The following RAD51D variants were observed in gnomAD, a reference collection of about 807,000 sequenced individuals.
RAD51D encodes the protein RAD51 paralog D.
A neutral mutation model predicts 44.1 loss-of-function variants in RAD51D; 38 were observed. The observed-to-expected ratio is 0.86, with a 90% CI of 0.67 to 1.13. RAD51D has a LOEUF of 1.13. RAD51D is among the 50% of genes most tolerant of loss of function. The pLI is 0.00. For synonymous variants in RAD51D, 141 were observed against 166.6 expected (o/e 0.85, Z 1.18); for missense variants, 390 against 414.0 (o/e 0.94, Z 0.50).
At chr17:35,102,011 C>T (rs1014871230) in intron 8 of RAD51D, among the ~76,000 whole-genome samples, 2 of 151,986 alleles carry the variant, frequency 1.3e-5, no homozygotes, top group South Asian at 4.1e-4. Context: ...TTTAACACCA[C>T]CGAACTGTAT....
At chr17:35,115,945 A>AGG (rs1170325824) in intron 3 of RAD51D, among the ~76,000 whole-genome samples, 13 of 106,388 alleles carry the variant, frequency 1.2e-4, no homozygotes, top group East Asian at 5.8e-4. Flanking sequence ...GGAAGAAAGA[A>AGG]AAGGAAGAAA....
intron 3 of RAD51D, among the ~76,000 whole-genome samples, chr17:35,112,658 A>G (rs2091692052): frequency 6.6e-6 from 1 of 152,196 alleles, no homozygotes; most frequent in South Asian, 2.1e-4. Context: ...GATTACAGGC[A>G]TGAGCCACTG....
intron 3 of RAD51D, among the ~76,000 whole-genome samples, chr17:35,116,690 T>A (rs1210408798): frequency 6.6e-6 from 1 of 151,938 alleles, no homozygotes; most frequent in Non-Finnish European, 1.5e-5. Flanking sequence ...GAGACGGGGT[T>A]TTACCGTGTT....
chr17:35,105,122 G>A (rs1336481269), intron 6 of RAD51D: 1 of 152,064 alleles, frequency 6.6e-6, no homozygotes, highest in Non-Finnish European at 1.5e-5. Context: ...GAGAGGTTTG[G>A]GCTATAAGGT....
chr17:35,116,196 A>G (rs9915078), intron 3 of RAD51D, among the ~76,000 whole-genome samples: 23,647 of 152,080 alleles, frequency 0.16, 2,574 homozygotes, highest in African/African-American at 0.3. Flanking sequence ...CCACTGTTCT[A>G]GACTGGACTC....
chr17:35,114,521 A>T (rs1033000531), intron 3 of RAD51D, among the ~76,000 whole-genome samples: 1 of 151,236 alleles, frequency 6.6e-6, no homozygotes, highest in Non-Finnish European at 1.5e-5. Flanking sequence ...GTCTCTACAA[A>T]AAAAAAAAAT....
chr17:35,096,735 C>T lies in RAD51D; in HGVS notation c.*4218G>A, dbSNP rs2091488206. 1 of 152,228 alleles carries T rather than the reference C, an allele frequency of 6.6e-6. No homozygotes were observed. The highest frequency in any genetic ancestry group is 1.5e-5 in the Non-Finnish European group (1 of 68,102). 9.4% of individuals were successfully genotyped at this position (152,228 alleles called of 1,614,324 possible). A position where few individuals can be genotyped will look rare whatever the true frequency, so the allele number is the denominator to read the frequency against. On this transcript the variant is annotated 3_prime_UTR_variant, in exon 10 of 10. Transcript: ENST00000345365. ...ACTTAGATGGGTGTGGTGGCACACA[C>T]CTGTAGTCCCAGCTACTTGGGAGAC... is the stretch of plus-strand genomic sequence containing the variant.
Position 35,099,467 on chromosome 17 carries a change from G to A in RAD51D, c.*1486C>T. 4.8e-6 allele frequency: 1 copy of A among 206,782 alleles called. No individual in the cohort carries two copies. Among genetic ancestry groups the A allele is most frequent in the East Asian group, 1.1e-4 (1 of 9,340 alleles). 12.8% of individuals were successfully genotyped at this position (206,782 alleles called of 1,614,324 possible). A position where few individuals can be genotyped will look rare whatever the true frequency, so the allele number is the denominator to read the frequency against. ...TGCATCTTACTGTGGTTGCAGGAATGTGCCAATCACCCATGGTATAAAGAT... is the reference window on the plus strand; with the variant it reads ...TGCATCTTACTGTGGTTGCAGGAATATGCCAATCACCCATGGTATAAAGAT... On this transcript the variant is annotated 3_prime_UTR_variant, in exon 10 of 10. Transcript: ENST00000345365.
At position 35,106,452 on chromosome 17, in the gene RAD51D, C is replaced by T. The variant is rs142134504; in HGVS notation, c.510G>A (p.Val170=). 1.3e-5 allele frequency: 21 copies of T among 1,613,210 alleles called. No individual in the cohort carries two copies. In the East Asian group the frequency reaches 3.6e-4, roughly 27 times the overall value. The change falls in exon 6 of 10, where the codon GTG becomes GTA. Residue 170 remains valine (V), a synonymous_variant. Transcript: ENST00000345365. ...QAEALRRIQV[V]HAFDIFQMLD... ...GCATCTGGAAGATGTCAAATGCATG[C>T]ACCACCTGGATCCTCCGGAGAGCTT...
chr17:35,106,841 G>T, intron 5 of RAD51D, 147 bp downstream of exon 5: 1 of 1,196,618 alleles, frequency 8.4e-7, no homozygotes, highest in Non-Finnish European at 1.2e-6. Flanking sequence ...GCATCAACAG[G>T]GGTGGCTTAA....
chr17:35,097,469 GTGTATATATA>G lies in RAD51D; in HGVS notation c.*3474_*3483del, dbSNP rs1286484695. 4.7e-5 allele frequency: 7 copies of G among 148,450 alleles called. No individual in the cohort carries two copies. The highest frequency in any genetic ancestry group is 2.0e-4 in the East Asian group (1 of 5,050). The allele number at this position is 148,450 out of a possible 1,614,324, so 9.2% of individuals were successfully genotyped here. A position where few individuals can be genotyped will look rare whatever the true frequency, so the allele number is the denominator to read the frequency against. On this transcript the variant is annotated 3_prime_UTR_variant, in exon 10 of 10. Coordinates refer to ENST00000345365, the MANE Select transcript of RAD51D (RefSeq NM_002878.4). ...TATATGTGTGTATATATATATATGT[GTGTATATATA>G]TGTATATATATGTGTGTATATGTGT... is the stretch of plus-strand genomic sequence containing the variant.
chr17:35,096,262 TG>T lies in RAD51D; in HGVS notation c.*4690del, dbSNP rs1481793693. ...GTTGCCCAGGCTGGTCTGGAACTCC[TG>T]GCCTCAGGCGATCCTCCTACTTTGG... On this transcript the variant is annotated 3_prime_UTR_variant, in exon 10 of 10. Coordinates refer to ENST00000345365, the MANE Select transcript of RAD51D (RefSeq NM_002878.4). 6.6e-6 allele frequency: 1 copy of T among 152,190 alleles called. No homozygotes were observed. Among genetic ancestry groups the T allele is most frequent in the Non-Finnish European group, 1.5e-5 (1 of 68,040 alleles). The allele number at this position is 152,190 out of a possible 1,614,324, so 9.4% of individuals were successfully genotyped here.
In RAD51D at chr17:35,102,616, G is replaced by A. The variant is rs541627920; in HGVS notation, c.738+638C>T. ...TGCACTCCAGCCTGGGAAACAGAGC[G>A]AAACCCTATCTCAAAAGAAAAAAAA... On this transcript the variant is annotated intron_variant, in intron 8 of 9. Coordinates refer to ENST00000345365, the MANE Select transcript of RAD51D (RefSeq NM_002878.4). Among the ~76,000 whole-genome samples, 8 of 142,498 alleles carry A rather than the reference G, an allele frequency of 5.6e-5. No homozygotes were observed. In the East Asian group the frequency reaches 6.7e-4, roughly 12 times the overall value. 93.5% of individuals were successfully genotyped at this position (142,498 alleles called of 152,430 possible).
chr17:35,108,991 C>T (rs780227459), intron 3 of RAD51D, among the ~76,000 whole-genome samples: 4 of 151,808 alleles, frequency 2.6e-5, no homozygotes, highest in Admixed American at 6.6e-5. Context: ...CTCAGCCTCC[C>T]GAGTACCTGG....
chr17:35,096,652 G>A lies in RAD51D; in HGVS notation c.*4301C>T, dbSNP rs776505942. ...AAGGCGGGTAGATCACCTGAGCCCA[G>A]GAGTTCAAGACCAGCCTGGGCAACG... is the stretch of plus-strand genomic sequence containing the variant. On this transcript the variant is annotated 3_prime_UTR_variant, in exon 10 of 10. Transcript: ENST00000345365. The A allele has an allele frequency of 6.6e-6, 1 of 152,156 alleles. No homozygotes were observed. Among genetic ancestry groups the A allele is most frequent in the Non-Finnish European group, 1.5e-5 (1 of 68,074 alleles). The allele number at this position is 152,156 out of a possible 1,614,324, so 9.4% of individuals were successfully genotyped here.
In RAD51D at chr17:35,098,256, TGAAACA is replaced by T. The variant is rs988741090; in HGVS notation, c.*2691_*2696del. The T allele has an allele frequency of 6.6e-6, 1 of 152,002 alleles. No individual in the cohort carries two copies. The highest frequency in any genetic ancestry group is 2.4e-5 in the African/African-American group (1 of 41,364). The allele number at this position is 152,002 out of a possible 1,614,324, so 9.4% of individuals were successfully genotyped here. The stretch of plus-strand genomic sequence containing the variant: ...AATGTGGGGATTTTTTTTTTCTTTT[TGAAACA>T]GAGTCTCTGTTGCCCAGGCTGGAGT... On this transcript the variant is annotated 3_prime_UTR_variant, in exon 10 of 10. Coordinates refer to ENST00000345365, the MANE Select transcript of RAD51D (RefSeq NM_002878.4).
At position 35,119,794 on chromosome 17, in the gene RAD51D, G is replaced by A. The variant is rs2091804245; in HGVS notation, c.-181C>T. ...GGGTAGGGCTGGGGGTCATCCGCCC[G>A]CCCGGGATCCGCCGGGATTCCCGCG... is the stretch of plus-strand genomic sequence containing the variant. On this transcript the variant is annotated 5_prime_UTR_variant, in exon 1 of 10. Coordinates refer to ENST00000345365, the MANE Select transcript of RAD51D (RefSeq NM_002878.4). 2.8e-6 allele frequency: 2 copies of A among 721,584 alleles called. No individual in the cohort carries two copies. Among genetic ancestry groups the A allele is most frequent in the African/African-American group, 1.7e-5 (1 of 57,210 alleles). The allele number at this position is 721,584 out of a possible 1,614,324, so 44.7% of individuals were successfully genotyped here.
chr17:35,116,964 C>T (rs2142468395), intron 3 of RAD51D: 1 of 1,613,958 alleles, frequency 6.2e-7, no homozygotes, highest in East Asian at 2.2e-5. Flanking sequence ...CCTGACCCCA[C>T]TCCACGATCT....
chr17:35,115,392 A>G (rs577655785), intron 3 of RAD51D: 1 of 462,668 alleles, frequency 2.2e-6, no homozygotes, highest in Admixed American at 2.3e-5. Flanking sequence ...TTCCCAAAGT[A>G]CGTTACATGC....
Sources: gnomAD v4.1 joint callset for allele counts (sites outside exome capture counted in the v4.1 genomes callset) on GRCh38, gnomAD v4.1.1 for gene constraint, MANE v1.5 for transcripts, NCBI Gene and HGNC (gene_info 2026-07-23, HGNC 2026-07-21) for gene names.